The following AARS1 variants were observed in gnomAD, a reference collection of about 807,000 sequenced individuals.
AARS1 encodes alanyl-tRNA synthetase 1, also known as alanine--tRNA ligase, cytoplasmic.
In AARS1, 72 loss-of-function variants were observed where a neutral mutation model predicts 108.9. That is an observed-to-expected ratio of 0.66 (90% CI 0.55 to 0.80). The LOEUF (loss-of-function observed/expected upper bound fraction) is 0.80. Among genes scored for constraint, AARS1 ranks in the 30% least tolerant of loss-of-function variants. The probability of loss-of-function intolerance (pLI) is 0.00; values close to 1 mark genes in which losing one functional copy is unlikely to be tolerated. For missense variants in AARS1, 1,193 were observed against 1,233.2 expected (o/e 0.97, Z 0.49); for synonymous variants, 489 against 465.7 (o/e 1.05, Z -0.64).
rs1302405393 is a variant in AARS1, at chr16:70,252,926, G to A, written c.2722-20C>T. 3 of 1,613,062 alleles carry A rather than the reference G, an allele frequency of 1.9e-6. No homozygotes were observed. The highest frequency in any genetic ancestry group is 1.7e-5 in the Admixed American group (1 of 60,030). On this transcript the variant is annotated intron_variant, in intron 20 of 20. Transcript: ENST00000261772. ...TGCATTCTAGAAGACAGGAAGGGAA[G>A]GGGGAGTCAGCACAGAAGATGGGAT...
chr16:70,280,455 C>A (rs550353387), intron 2 of AARS1, among the ~76,000 whole-genome samples: 1 of 152,126 alleles, frequency 6.6e-6, no homozygotes, highest in East Asian at 1.9e-4. Flanking sequence ...TAATTACAGG[C>A]GCACTGTGCC....
Position 70,276,963 on chromosome 16 carries a change from T to G in AARS1, c.333+3A>C, listed in dbSNP as rs747431164. 1.3e-4 allele frequency: 210 copies of G among 1,614,044 alleles called. No individual in the cohort carries two copies. Among genetic ancestry groups the G allele is most frequent in the Non-Finnish European group, 1.7e-4 (201 of 1,180,030 alleles). On this transcript the variant is annotated splice_donor_region_variant and intron_variant, in intron 3 of 20. Transcript: ENST00000261772. ...CCTAGTGGTTCTTCTGCTCTGAACT[T>G]ACCTTAAAGTAATCTCCAAAAGACC... is the stretch of plus-strand genomic sequence containing the variant.
intron 12 of AARS1, among the ~76,000 whole-genome samples, 189 bp downstream of exon 12, chr16:70,262,157 C>T (rs764194190): frequency 2.7e-4 from 41 of 152,156 alleles, no homozygotes; most frequent in Non-Finnish European, 3.4e-4. Flanking sequence ...AATACTCCTA[C>T]GAGGGTACCC....
intron 12 of AARS1, 98 bp downstream of exon 12, chr16:70,262,248 A>G: frequency 7.0e-7 from 1 of 1,421,782 alleles, no homozygotes. Context: ...AAGGTGTGTC[A>G]GGTCTGCTCC....
chr16:70,281,829 G>A (rs142667701), intron 2 of AARS1, among the ~76,000 whole-genome samples: 2 of 151,802 alleles, frequency 1.3e-5, no homozygotes, highest in African/African-American at 2.4e-5. Context: ...TCCAGCAAGG[G>A]TGACAGAGTG....
chr16:70,253,454 C>T lies in AARS1; in HGVS notation c.2608-73G>A, dbSNP rs1959896770. 78 of 1,304,412 alleles carry T rather than the reference C, an allele frequency of 6.0e-5. 3 individuals are homozygous for T. The South Asian group carries it at 9.2e-4, about 15-fold the overall frequency. 80.8% of individuals were successfully genotyped at this position (1,304,412 alleles called of 1,614,324 possible). A position where few individuals can be genotyped will look rare whatever the true frequency, so the allele number is the denominator to read the frequency against. On this transcript the variant is annotated intron_variant, in intron 19 of 20. Coordinates refer to ENST00000261772, the MANE Select transcript of AARS1 (RefSeq NM_001605.3). ...CACTAGTGTGAGCATTTGCAGCCCT[C>T]AGAAGGCCTGCCACCCACCCCTACC... is the stretch of plus-strand genomic sequence containing the variant.
At chr16:70,283,927 A>C (rs1960773461) in intron 1 of AARS1, among the ~76,000 whole-genome samples, 1 of 152,172 alleles carries the variant, frequency 6.6e-6, no homozygotes, top group Non-Finnish European at 1.5e-5. Flanking sequence ...AAGCTCTTTC[A>C]CAAGTTGGGC....
chr16:70,287,101 A>G (rs1450061562), intron 1 of AARS1, among the ~76,000 whole-genome samples: 1 of 151,488 alleles, frequency 6.6e-6, no homozygotes, highest in Non-Finnish European at 1.5e-5. Context: ...AATACAAAAA[A>G]TTAGCCGGGC....
At chr16:70,259,579 C>A (rs1960085097) in intron 13 of AARS1, among the ~76,000 whole-genome samples, 2 of 152,028 alleles carry the variant, frequency 1.3e-5, no homozygotes. Context: ...AACTCCTGGG[C>A]TCAAGTGATC....
At position 70,252,443 on chromosome 16, in the gene AARS1, C is replaced by T. The variant is rs184037337; in HGVS notation, c.*278G>A. The T allele has an allele frequency of 4.6e-4, 238 of 518,198 alleles. 1 individual carries two copies. In the East Asian group the frequency reaches 6.5e-3, roughly 14 times the overall value. The allele number at this position is 518,198 out of a possible 1,614,324, so 32.1% of individuals were successfully genotyped here. On this transcript the variant is annotated 3_prime_UTR_variant, in exon 21 of 21. Coordinates refer to ENST00000261772, the MANE Select transcript of AARS1 (RefSeq NM_001605.3). Reference sequence around the variant, plus strand: ...AGCAAAAACGATTCCTACTTGCTGACGCGGAAAGCTCAGGTCTGGAGAGCC... The same window carrying T: ...AGCAAAAACGATTCCTACTTGCTGATGCGGAAAGCTCAGGTCTGGAGAGCC...
At chr16:70,286,362 AT>A (rs1000406265) in intron 1 of AARS1, among the ~76,000 whole-genome samples, 1,510 of 117,098 alleles carry the variant, frequency 0.013, 9 homozygotes, top group African/African-American at 0.032. Context: ...CTCCACAGGA[AT>A]TTTTTTTTTT....
intron 9 of AARS1, 48 bp from the exon 10 acceptor site, chr16:70,265,710 T>C: frequency 6.2e-7 from 1 of 1,609,242 alleles, no homozygotes. Flanking sequence ...CAGCCCCTTT[T>C]CCATGCCAAG....
intron 2 of AARS1, among the ~76,000 whole-genome samples, chr16:70,281,058 G>C (rs1446235680): frequency 6.6e-6 from 1 of 152,118 alleles, no homozygotes; most frequent in East Asian, 1.9e-4. Flanking sequence ...TCGAACTTCT[G>C]GATTCAAGTG....
chr16:70,266,052 G>A (rs111338842), intron 9 of AARS1, among the ~76,000 whole-genome samples: 1 of 152,102 alleles, frequency 6.6e-6, no homozygotes, highest in East Asian at 1.9e-4. Flanking sequence ...TGTGGCTCAC[G>A]CCTGTAATCC....
chr16:70,253,139 TAAGGGGTACTGGC>T (rs1959884490), intron 20 of AARS1, 116 bp downstream of exon 20: 3 of 898,104 alleles, frequency 3.3e-6, no homozygotes, highest in Non-Finnish European at 5.4e-6. Context: ...AAGGCCTGGG[TAAGGGGTACTGGC>T]AAAGGTAACC....
chr16:70,289,351 G>A (rs950684212), intron 1 of AARS1, 70 bp downstream of exon 1: 4 of 354,076 alleles, frequency 1.1e-5, no homozygotes, highest in African/African-American at 4.3e-5. Context: ...CTGCGGCTGC[G>A]GAGCTTTCCC....
In AARS1 at chr16:70,254,320, T is replaced by A. The variant is rs1959924725; in HGVS notation, c.2401-282A>T. The A allele has an allele frequency of 5.2e-6, 3 of 581,082 alleles. No homozygotes were observed. In the South Asian group the frequency reaches 5.9e-5, roughly 12 times the overall value. 36.0% of individuals were successfully genotyped at this position (581,082 alleles called of 1,614,324 possible). On this transcript the variant is annotated intron_variant, in intron 17 of 20. Coordinates refer to ENST00000261772, the MANE Select transcript of AARS1 (RefSeq NM_001605.3). ...CCTGGCAGCTTGAAATGCAAATAAA[T>A]ACCAGGCAGGCTTGGAAGCAGGGGC...
rs1033355727 is a variant in AARS1, at chr16:70,252,301, G to T, written c.*420C>A. 4 of 324,864 alleles carry T rather than the reference G, an allele frequency of 1.2e-5. No individual in the cohort carries two copies. The highest frequency in any genetic ancestry group is 8.6e-5 in the African/African-American group (4 of 46,400). 20.1% of individuals were successfully genotyped at this position (324,864 alleles called of 1,614,324 possible). ...AGGTGAACACCACAGCAGCCAGCAG[G>T]AGCCACAGCATTTATTCTACAGACG... On this transcript the variant is annotated 3_prime_UTR_variant, in exon 21 of 21. Coordinates refer to ENST00000261772, the MANE Select transcript of AARS1 (RefSeq NM_001605.3).
In AARS1 at chr16:70,270,430, G is replaced by C. The variant is rs914563296; in HGVS notation, c.672-90C>G. On this transcript the variant is annotated intron_variant, in intron 5 of 20. Coordinates refer to ENST00000261772, the MANE Select transcript of AARS1 (RefSeq NM_001605.3). ...CTGGTTAAAATTCATTTACAGAACA[G>C]TTTGCAGGCTGTGACCATCTGCCAT... 61 of 1,539,100 alleles carry C rather than the reference G, an allele frequency of 4.0e-5. 1 individual carries two copies. Among genetic ancestry groups the C allele is most frequent in the East Asian group, 1.3e-4 (6 of 44,480 alleles).
Sources: allele counts gnomAD v4.1 joint callset (sites outside exome capture counted in the v4.1 genomes callset), GRCh38; gene constraint gnomAD v4.1.1; transcripts MANE v1.5; gene names NCBI Gene and HGNC (gene_info 2026-07-23, HGNC 2026-07-21).